Variants in HERC2 observed in about 807,000 individuals in gnomAD.
The protein encoded by HERC2 is E3 ubiquitin-protein ligase HERC2.
Under a neutral mutation model 537.7 loss-of-function variants are expected in HERC2, and 102 were observed. The ratio of observed to expected loss-of-function variants is 0.19; its 90% CI spans 0.16 to 0.22. The LOEUF (loss-of-function observed/expected upper bound fraction) is 0.22. HERC2 is among the 10% of genes least tolerant of loss of function. HERC2 has a pLI of 1.00. For synonymous variants in HERC2, 2,224 were observed against 2,466.2 expected, an observed-to-expected ratio of 0.90 and a Z score of 2.91; for missense variants, 4,236 against 6,198.2, an observed-to-expected ratio of 0.68 and a Z score of 10.63.
chr15:28,117,511 T>C (rs1294985321), intron 86 of HERC2: 2 of 570,914 alleles, frequency 3.5e-6, no homozygotes, highest in African/African-American at 1.8e-5. Context: ...CCCTAAGCAC[T>C]GCTGCTACTT....
At chr15:28,121,999 C>T (rs570387657) in intron 85 of HERC2, among the ~76,000 whole-genome samples, 12 of 149,806 alleles carry the variant, frequency 8.0e-5, no homozygotes, top group South Asian at 4.4e-4. Context: ...CAGGGAGCAC[C>T]GCGGAGCCAG....
rs1224976482 is a variant in HERC2 at position 28,132,264 on chromosome 15, T to G, written c.12409-3A>C. The G allele has an allele frequency of 3.1e-6, 5 of 1,602,822 alleles. No homozygotes were observed. The African/African-American group carries it at 5.4e-5, about 17-fold the overall frequency. On this transcript the variant is annotated splice_polypyrimidine_tract_variant and splice_region_variant and intron_variant, in intron 80 of 92. Coordinates refer to ENST00000261609, the MANE Select transcript of HERC2 (RefSeq NM_004667.6). ...CGGTGGCCCTGCAGCGCCTCCACCT[T>G]CAGAGAAAAGGGACTTGGGTTGGCC...
At chr15:28,254,932 G>A (rs556040470) in intron 19 of HERC2, among the ~76,000 whole-genome samples, 4 of 152,312 alleles carry the variant, frequency 2.6e-5, no homozygotes, top group Non-Finnish European at 4.4e-5. Context: ...CTATGAACAC[G>A]CACCTGCCCC....
At chr15:28,175,394 G>GT in intron 64 of HERC2, 118 bp downstream of exon 64, 1 of 1,002,848 alleles carries the variant, frequency 1.0e-6, no homozygotes, top group East Asian at 2.6e-5. Context: ...TCTCCAAGCA[G>GT]TAAGACTCAG....
intron 3 of HERC2, among the ~76,000 whole-genome samples, chr15:28,294,400 A>G (rs952934162): frequency 3.1e-4 from 46 of 150,020 alleles, no homozygotes; most frequent in African/African-American, 1.1e-3. Context: ...ACTGCTAAAC[A>G]CTAAGGACAA....
At chr15:28,136,990 AT>A in intron 78 of HERC2, among the ~76,000 whole-genome samples, 1 of 152,168 alleles carries the variant, frequency 6.6e-6, no homozygotes, top group Admixed American at 6.5e-5. Context: ...GATGTGCAAC[AT>A]TTAGCTAACT....
intron 2 of HERC2, among the ~76,000 whole-genome samples, chr15:28,315,034 G>GA (rs1285716175): frequency 2.0e-5 from 3 of 152,194 alleles, no homozygotes; most frequent in East Asian, 1.9e-4. Flanking sequence ...GTGCTTTATA[G>GA]AAAAAATGTG....
At chr15:28,257,343 T>C (rs539516625) in intron 16 of HERC2, 82 bp from the exon 17 acceptor site, 4 of 1,162,766 alleles carry the variant, frequency 3.4e-6, no homozygotes, top group South Asian at 2.7e-5. Flanking sequence ...GCGTGTGTGA[T>C]GGAGCTGCCT....
Position 28,255,958 on chromosome 15 carries a change from A to G in HERC2, c.2785T>C (p.Phe929Leu). The stretch of plus-strand genomic sequence containing the variant: ...CTGCCCACCAGAAGATCAATCATGA[A>G]TCGACGACCTGGACTTATGTTCACT... ...NEVNISPGRRFMIDLLVGSLM... is the reference protein window; with the variant it reads ...NEVNISPGRRLMIDLLVGSLM... Residue 929 changes from phenylalanine (F) to leucine (L), a missense_variant, in exon 19 of 93, where the codon TTC (phenylalanine) becomes CTC (leucine). Phe to Leu is a conservative substitution (Grantham distance 22). Around this residue, in one of 27 missense-constraint regions of HERC2, gnomAD observed 754 missense variants for 1,085.0 expected, o/e 0.69. Coordinates refer to ENST00000261609, the MANE Select transcript of HERC2 (RefSeq NM_004667.6). The G allele has an allele frequency of 1.9e-6, 3 of 1,606,260 alleles. No individual in the cohort carries two copies. Among genetic ancestry groups the G allele is most frequent in the Non-Finnish European group, 1.7e-6 (2 of 1,179,812 alleles).
chr15:28,260,979 G>C lies in HERC2; in HGVS notation c.2123-9C>G. ...ATCAATCACCTTCTTCCCTACAAGG[G>C]AAGAGGGATGCAGATGCAGCTTCAA... On this transcript the variant is annotated splice_polypyrimidine_tract_variant and intron_variant, in intron 15 of 92. Coordinates refer to ENST00000261609, the MANE Select transcript of HERC2 (RefSeq NM_004667.6). The C allele has an allele frequency of 6.2e-7, 1 of 1,607,228 alleles. No individual in the cohort carries two copies. The highest frequency in any genetic ancestry group is 8.5e-7 in the Non-Finnish European group (1 of 1,175,222).
At chr15:28,144,322 C>T (rs1891518528) in intron 72 of HERC2, 87 bp from the exon 73 acceptor site, 6 of 1,376,240 alleles carry the variant, frequency 4.4e-6, no homozygotes, top group African/African-American at 1.4e-5. Flanking sequence ...GGTGGCTCCA[C>T]CCAGCCCCAC....
chr15:28,133,071 A>G (rs976973177), intron 79 of HERC2, among the ~76,000 whole-genome samples: 6 of 152,130 alleles, frequency 3.9e-5, no homozygotes, highest in Non-Finnish European at 8.8e-5. Context: ...ATACTGGGTC[A>G]AGTTCGAAGC....
intron 44 of HERC2, among the ~76,000 whole-genome samples, chr15:28,210,422 C>T (rs531612369): frequency 3.0e-4 from 45 of 152,338 alleles, no homozygotes; most frequent in African/African-American, 1.1e-3. Context: ...AGGCATGAGC[C>T]ATTGTGCCCG....
At chr15:28,318,385 C>A (rs1206607827) in intron 2 of HERC2, among the ~76,000 whole-genome samples, 1 of 152,118 alleles carries the variant, frequency 6.6e-6, no homozygotes, top group Non-Finnish European at 1.5e-5. Flanking sequence ...CCAGCACTTC[C>A]GGAGGCCGAG....
At position 28,111,972 on chromosome 15, in the gene HERC2, G is replaced by A. The variant is rs754915831; in HGVS notation, c.14296C>T (p.Leu4766=). Residue 4766 remains leucine, a synonymous_variant, in exon 93 of 93, where the codon CTG becomes TTG. Transcript: ENST00000261609. Reference sequence around the variant, plus strand: ...TTGCAGGAATACCTGGGCAGCTTCAGCAAGAAGAAACAGGTGTAGGACTCA... The same window carrying A: ...TTGCAGGAATACCTGGGCAGCTTCAACAAGAAGAAACAGGTGTAGGACTCA... ...LPESYTCFFL[L]KLPRYSCKQV... 4 of 1,614,052 alleles carry A rather than the reference G, an allele frequency of 2.5e-6. No homozygotes were observed. The African/African-American group carries it at 5.3e-5, about 22-fold the overall frequency.
Position 28,276,192 on chromosome 15 carries a change from C to CAAAA in HERC2, c.543-1191_543-1188dup, listed in dbSNP as rs11359639. On this transcript the variant is annotated intron_variant, in intron 5 of 92. Transcript: ENST00000261609. ...CAGAGCAAGACTCCATCTCAAAAAA[C>CAAAA]AAAAAAAAAAAAAAAAAAAAAAAAA... Among the ~76,000 whole-genome samples, 443 of 70,098 alleles carry CAAAA rather than the reference C, an allele frequency of 6.3e-3. 6 individuals carry two copies. Among genetic ancestry groups the CAAAA allele is most frequent in the African/African-American group, 0.022 (426 of 19,768 alleles). 46.0% of individuals were successfully genotyped at this position (70,098 alleles called of 152,430 possible). A position where few individuals can be genotyped will look rare whatever the true frequency, so the allele number is the denominator to read the frequency against.
intron 5 of HERC2, among the ~76,000 whole-genome samples, chr15:28,278,242 G>A (rs2075928240): frequency 6.6e-6 from 1 of 152,134 alleles, no homozygotes. Context: ...AATTAGCTAG[G>A]CATTGTGGCA....
At chr15:28,125,305 G>A (rs1343295671) in intron 83 of HERC2, 112 bp from the exon 84 acceptor site, 2 of 832,138 alleles carry the variant, frequency 2.4e-6, no homozygotes. Flanking sequence ...TTCAGCTGGT[G>A]TTGACCTAGT....
intron 23 of HERC2, among the ~76,000 whole-genome samples, chr15:28,241,065 C>T (rs1567058968): frequency 6.6e-6 from 1 of 152,076 alleles, no homozygotes; most frequent in Non-Finnish European, 1.5e-5. Context: ...TGATCAAAAT[C>T]GAATACTTCT....
Sources: allele counts gnomAD v4.1 joint callset (sites outside exome capture counted in the v4.1 genomes callset), GRCh38; gene constraint gnomAD v4.1.1; regional missense constraint gnomAD v4.1.1; transcripts MANE v1.5; gene names NCBI Gene and HGNC (gene_info 2026-07-23, HGNC 2026-07-21).